The following EMCN variants were observed in gnomAD, a reference collection of about 807,000 sequenced individuals.
The protein encoded by EMCN is MUC-14.
EMCN carries 37 observed loss-of-function variants against 38.4 expected under a neutral mutation model. That is an observed-to-expected ratio of 0.96 (90% confidence interval 0.74 to 1.27). The LOEUF (loss-of-function observed/expected upper bound fraction) is 1.27. Ranked by LOEUF, EMCN falls within the 50% of genes most tolerant of loss-of-function variation. The probability of loss-of-function intolerance (pLI) is 0.00; values close to 1 mark genes in which losing one functional copy is unlikely to be tolerated. For synonymous variants in EMCN, 95 were observed against 100.8 expected, an observed-to-expected ratio of 0.94 and a Z score of 0.35; for missense variants, 318 against 302.8, an observed-to-expected ratio of 1.05 and a Z score of -0.37.
intron 4 of EMCN, among the ~76,000 whole-genome samples, chr4:100,459,945 A>T (rs996979766): frequency 1.5e-4 from 23 of 152,174 alleles, no homozygotes; most frequent in African/African-American, 5.5e-4. Flanking sequence ...TGTACCCAGA[A>T]GTGGGATTAC....
chr4:100,413,847 G>GT (rs972978401), intron 10 of EMCN, among the ~76,000 whole-genome samples: 1 of 152,134 alleles, frequency 6.6e-6, no homozygotes, highest in Middle Eastern at 3.2e-3. Context: ...CCTGTGACCT[G>GT]ACAAGTTATT....
At chr4:100,422,885 G>C in intron 7 of EMCN, 136 bp downstream of exon 7, 4 of 670,024 alleles carry the variant, frequency 6.0e-6, no homozygotes, top group Non-Finnish European at 1.0e-5. Context: ...GCAGCAGTTA[G>C]ATGGGATTGT....
chr4:100,501,912 G>C (rs1266942993), intron 1 of EMCN, among the ~76,000 whole-genome samples: 1 of 151,704 alleles, frequency 6.6e-6, no homozygotes, highest in Non-Finnish European at 1.5e-5. Flanking sequence ...TGTTTACATG[G>C]TGTCATTTGT....
chr4:100,506,953 A>G (rs997719300), intron 1 of EMCN, among the ~76,000 whole-genome samples: 3 of 152,194 alleles, frequency 2.0e-5, no homozygotes, highest in African/African-American at 7.2e-5. Flanking sequence ...CTAGTAATTT[A>G]ATCCTCTATA....
At position 100,441,322 on chromosome 4, in the gene EMCN, A is replaced by G. The variant is rs189199809; in HGVS notation, c.415+6211T>C. 3.4e-3 allele frequency among the ~76,000 whole-genome samples: 510 copies of G among 152,220 alleles called. 11 individuals carry two copies. The highest frequency in any genetic ancestry group is 0.032 in the Admixed American group (484 of 15,280). ...GAATTATATTTCATCAGGTGTAAGT[A>G]TAGCTACTCCTTCTCTCTTTATTAT... On this transcript the variant is annotated intron_variant, in intron 5 of 11. Transcript: ENST00000296420.
chr4:100,401,425 A>G (rs569265487), intron 11 of EMCN, among the ~76,000 whole-genome samples: 1 of 152,258 alleles, frequency 6.6e-6, no homozygotes, highest in East Asian at 1.9e-4. Context: ...TTCAAATACT[A>G]TGCAGTTTTA....
At position 100,517,826 on chromosome 4, in the gene EMCN, C is replaced by A. The variant is rs758595261; in HGVS notation, c.64+25G>T. On this transcript the variant is annotated intron_variant, in intron 1 of 11. Transcript: ENST00000296420. ...TACTAGTGATTTCCAATCCGTACCACCAGAGGAATAAGAGACAAAAATACC... is the reference window on the plus strand; with the variant it reads ...TACTAGTGATTTCCAATCCGTACCAACAGAGGAATAAGAGACAAAAATACC... The A allele has an allele frequency of 2.5e-6, 4 of 1,609,892 alleles. No homozygotes were observed. In the South Asian group the frequency reaches 3.3e-5, roughly 13 times the overall value.
intron 3 of EMCN, among the ~76,000 whole-genome samples, chr4:100,467,567 A>G (rs1350592375): frequency 1.3e-5 from 2 of 151,630 alleles, no homozygotes; most frequent in Non-Finnish European, 2.9e-5. Context: ...CTGTAGTCCC[A>G]GCTACTCGGG....
At chr4:100,420,083 A>C (rs565349014) in intron 8 of EMCN, among the ~76,000 whole-genome samples, 2 of 152,246 alleles carry the variant, frequency 1.3e-5, no homozygotes, top group South Asian at 4.1e-4. Context: ...AAAGTGGGGA[A>C]GAAGAATTCT....
At chr4:100,493,192 C>A (rs1004477490) in intron 1 of EMCN, among the ~76,000 whole-genome samples, 3 of 152,162 alleles carry the variant, frequency 2.0e-5, no homozygotes, top group Non-Finnish European at 4.4e-5. Context: ...ACACTAAAAT[C>A]TTTTGAATGA....
intron 1 of EMCN, among the ~76,000 whole-genome samples, chr4:100,491,322 C>T (rs1212474501): frequency 6.6e-6 from 1 of 152,192 alleles, no homozygotes; most frequent in Non-Finnish European, 1.5e-5. Flanking sequence ...TGCCGAGGAA[C>T]TAGCTGCACC....
At chr4:100,406,254 T>A (rs779641301) in intron 11 of EMCN, among the ~76,000 whole-genome samples, 3 of 152,144 alleles carry the variant, frequency 2.0e-5, no homozygotes, top group Non-Finnish European at 4.4e-5. Context: ...TCTCTGATTT[T>A]GGTTATTTTT....
chr4:100,475,712 C>G, intron 2 of EMCN, among the ~76,000 whole-genome samples: 1 of 127,844 alleles, frequency 7.8e-6, no homozygotes, highest in Admixed American at 9.2e-5. Flanking sequence ...GAATCTCGCT[C>G]TGTCGCCCAG....
chr4:100,454,818 C>T (rs978193119), intron 4 of EMCN, among the ~76,000 whole-genome samples: 16 of 152,122 alleles, frequency 1.1e-4, no homozygotes, highest in Middle Eastern at 3.2e-3. Flanking sequence ...CCCGATAAAA[C>T]TCCTTCCTTT....
chr4:100,511,587 G>A (rs1017953228), intron 1 of EMCN, among the ~76,000 whole-genome samples: 1 of 152,142 alleles, frequency 6.6e-6, no homozygotes, highest in Non-Finnish European at 1.5e-5. Context: ...AATTGCCTTA[G>A]AACAGAATCT....
chr4:100,397,213 T>C lies in EMCN; in HGVS notation c.*1200A>G, dbSNP rs1437782437. 6.6e-6 allele frequency: 1 copy of C among 152,152 alleles called. No individual in the cohort carries two copies. The highest frequency in any genetic ancestry group is 2.4e-5 in the African/African-American group (1 of 41,448). The allele number at this position is 152,152 out of a possible 1,614,324, so 9.4% of individuals were successfully genotyped here. A position where few individuals can be genotyped will look rare whatever the true frequency, so the allele number is the denominator to read the frequency against. On this transcript the variant is annotated 3_prime_UTR_variant, in exon 12 of 12. Transcript: ENST00000296420. Reference sequence around the variant, plus strand: ...TTAGCATCAAAATCAGCTTAGATAATCATACGTTACAAAGCTGCCACCAGC... The same window carrying C: ...TTAGCATCAAAATCAGCTTAGATAACCATACGTTACAAAGCTGCCACCAGC...
intron 1 of EMCN, among the ~76,000 whole-genome samples, chr4:100,494,342 C>G (rs962866510): frequency 6.6e-6 from 1 of 152,124 alleles, no homozygotes; most frequent in Non-Finnish European, 1.5e-5. Flanking sequence ...TGAGCCTACA[C>G]TGAACATTAC....
chr4:100,517,529 T>G (rs1358967733), intron 1 of EMCN, among the ~76,000 whole-genome samples: 1 of 152,106 alleles, frequency 6.6e-6, no homozygotes, highest in East Asian at 1.9e-4. Context: ...AATACATTTT[T>G]GAGAGAGAGT....
At chr4:100,485,880 G>T (rs866726913) in intron 1 of EMCN, among the ~76,000 whole-genome samples, 1 of 151,966 alleles carries the variant, frequency 6.6e-6, no homozygotes, top group African/African-American at 2.4e-5. Flanking sequence ...TCTTCTGTTT[G>T]CCTTCCTCCA....
Sources: gnomAD v4.1 joint callset for allele counts (sites outside exome capture counted in the v4.1 genomes callset) on GRCh38, gnomAD v4.1.1 for gene constraint, MANE v1.5 for transcripts, NCBI Gene and HGNC (gene_info 2026-07-23, HGNC 2026-07-21) for gene names.